CENPW: variants seen among roughly 807,000 people sequenced by gnomAD.
CENPW encodes the protein cancer-up-regulated gene 2 protein.
CENPW carries 3 observed loss-of-function variants against 11.1 expected under a neutral mutation model. The ratio of observed to expected loss-of-function variants is 0.27; its 90% CI spans 0.12 to 0.70. The LOEUF (loss-of-function observed/expected upper bound fraction) is 0.70, where lower values mean the gene tolerates loss of function less well. Ranked by LOEUF, CENPW falls within the 30% of genes least tolerant of loss-of-function variation. The pLI, the probability that CENPW is intolerant of heterozygous loss-of-function variation, is 0.77. For missense variants in CENPW, 100 were observed against 105.6 expected (o/e 0.95, Z 0.23); for synonymous variants, 38 against 42.0 (o/e 0.91, Z 0.37).
chr6:126,356,467 A>T, the CENPW span, among the ~76,000 whole-genome samples: 4 of 152,208 alleles, frequency 2.6e-5, no homozygotes, highest in South Asian at 8.3e-4. Context: ...TTTTTGAGAC[A>T]TTTAATCATT....
At chr6:126,389,647 T>G in the CENPW span, among the ~76,000 whole-genome samples, 9 of 131,266 alleles carry the variant, frequency 6.9e-5, no homozygotes, top group African/African-American at 1.1e-4. Flanking sequence ...TTGTTATCTA[T>G]GACCTTTGCT....
chr6:126,402,572 G>A, the CENPW span, among the ~76,000 whole-genome samples: 1,823 of 112,428 alleles, frequency 0.016, 32 homozygotes, highest in African/African-American at 0.058. Flanking sequence ...TTTTTCTATG[G>A]ATTTGCCTAT....
chr6:126,384,759 A>G, the CENPW span, among the ~76,000 whole-genome samples: 1 of 152,062 alleles, frequency 6.6e-6, no homozygotes, highest in Non-Finnish European at 1.5e-5. Flanking sequence ...AACAACAGCA[A>G]ACACAAATGG....
intron 1 of CENPW, among the ~76,000 whole-genome samples, chr6:126,341,534 T>C (rs1452623962): frequency 6.6e-6 from 1 of 152,114 alleles, no homozygotes; most frequent in Non-Finnish European, 1.5e-5. Context: ...AAACACATTT[T>C]CCCCCAGAAA....
chr6:126,412,606 A>G, the CENPW span, among the ~76,000 whole-genome samples: 3 of 152,208 alleles, frequency 2.0e-5, no homozygotes, highest in African/African-American at 7.2e-5. Flanking sequence ...TTTCTTTAAA[A>G]TCCAATTTCA....
At chr6:126,477,111 A>C in the CENPW span, among the ~76,000 whole-genome samples, 1 of 152,044 alleles carries the variant, frequency 6.6e-6, no homozygotes, top group African/African-American at 2.4e-5. Flanking sequence ...AGAAAATTCA[A>C]GTCTACCGTT....
the CENPW span, among the ~76,000 whole-genome samples, chr6:126,430,852 G>A: frequency 2.6e-5 from 4 of 151,760 alleles, no homozygotes; most frequent in African/African-American, 7.3e-5. Context: ...CCTGGGAGGC[G>A]GAGGCTGCAG....
At chr6:126,365,678 G>T in the CENPW span, among the ~76,000 whole-genome samples, 2 of 152,146 alleles carry the variant, frequency 1.3e-5, no homozygotes, top group African/African-American at 4.8e-5. Context: ...TTAGTATAAA[G>T]AAAATATTGT....
chr6:126,354,709 A>G, the CENPW span, among the ~76,000 whole-genome samples: 1 of 152,030 alleles, frequency 6.6e-6, no homozygotes, highest in Admixed American at 6.6e-5. Context: ...CACCTCTTTA[A>G]GAGTCTCCTT....
chr6:126,434,243 CAAACTCAGCA>C, the CENPW span, among the ~76,000 whole-genome samples: 2 of 151,966 alleles, frequency 1.3e-5, no homozygotes, highest in Non-Finnish European at 2.9e-5. Flanking sequence ...TGAAACTTGC[CAAACTCAGCA>C]GGCCAAATCC....
intron 2 of CENPW, among the ~76,000 whole-genome samples, chr6:126,347,960 CA>C (rs1454484701): frequency 6.6e-6 from 1 of 151,700 alleles, no homozygotes; most frequent in African/African-American, 2.4e-5. Flanking sequence ...GTTTTAGTCT[CA>C]AATGATTATA....
the CENPW span, among the ~76,000 whole-genome samples, chr6:126,411,996 T>G: frequency 1.1e-4 from 1 of 9,444 alleles, no homozygotes; most frequent in African/African-American, 4.2e-4. Flanking sequence ...CTTCCCCCAC[T>G]CCCTTCCTCT....
At chr6:126,360,602 C>CA in the CENPW span, among the ~76,000 whole-genome samples, 1 of 152,012 alleles carries the variant, frequency 6.6e-6, no homozygotes. Context: ...CCATATTTCT[C>CA]AGAGATTTTG....
At chr6:126,347,670 A>C (rs1443153566) in intron 2 of CENPW, among the ~76,000 whole-genome samples, 4 of 152,046 alleles carry the variant, frequency 2.6e-5, no homozygotes, top group Admixed American at 2.6e-4. Context: ...CATTCCAACA[A>C]ATTTCTACAC....
the CENPW span, among the ~76,000 whole-genome samples, chr6:126,386,825 T>C: frequency 6.6e-6 from 1 of 151,972 alleles, no homozygotes; most frequent in Non-Finnish European, 1.5e-5. Flanking sequence ...TAAATATATT[T>C]TATCTTGATA....
the CENPW span, among the ~76,000 whole-genome samples, chr6:126,465,153 T>A: frequency 6.6e-6 from 1 of 152,078 alleles, no homozygotes; most frequent in Non-Finnish European, 1.5e-5. Flanking sequence ...AGCTTAGCAA[T>A]GTAATAAGAC....
the CENPW span, among the ~76,000 whole-genome samples, chr6:126,462,440 A>G: frequency 6.6e-6 from 1 of 151,180 alleles, no homozygotes; most frequent in African/African-American, 2.4e-5. Context: ...TTTATGTAGA[A>G]AGCTGAGGAG....
chr6:126,417,998 A>G, the CENPW span, among the ~76,000 whole-genome samples: 2 of 152,362 alleles, frequency 1.3e-5, no homozygotes, highest in Non-Finnish European at 2.9e-5. Flanking sequence ...CACATGAAAA[A>G]TGTTCAACAT....
At chr6:126,461,406 G>A in the CENPW span, among the ~76,000 whole-genome samples, 1 of 151,862 alleles carries the variant, frequency 6.6e-6, no homozygotes, top group Non-Finnish European at 1.5e-5. Flanking sequence ...CAAATACTAA[G>A]TTATTTCAAA....
Sources: allele counts gnomAD v4.1 joint callset (sites outside exome capture counted in the v4.1 genomes callset), GRCh38; gene constraint gnomAD v4.1.1; transcripts MANE v1.5; gene names NCBI Gene and HGNC (gene_info 2026-07-23, HGNC 2026-07-21).